TMEM108: variants seen among roughly 807,000 people sequenced by gnomAD.
TMEM108 encodes the protein transmembrane protein 108.
A neutral mutation model predicts 35.1 loss-of-function variants in TMEM108; 12 were observed. The ratio of observed to expected loss-of-function variants is 0.34; its 90% confidence interval spans 0.22 to 0.55. The LOEUF is 0.55. Among genes scored for constraint, TMEM108 ranks in the 20% least tolerant of loss-of-function variants. TMEM108 has a pLI of 0.89. For synonymous variants in TMEM108, 287 were observed against 308.6 expected (o/e 0.93, Z 0.73); for missense variants, 680 against 753.3 (o/e 0.90, Z 1.14).
intron 2 of TMEM108, among the ~76,000 whole-genome samples, chr3:133,220,379 T>C (rs1358668477): frequency 6.6e-6 from 1 of 152,064 alleles, no homozygotes; most frequent in Non-Finnish European, 1.5e-5. Context: ...TGGGCTCAAG[T>C]GATCCTCCTG....
At chr3:133,314,684 G>C (rs1159093219) in intron 3 of TMEM108, among the ~76,000 whole-genome samples, 1 of 152,302 alleles carries the variant, frequency 6.6e-6, no homozygotes, top group East Asian at 1.9e-4. Context: ...GGGATCTGCT[G>C]GTGCTTTGTA....
chr3:133,099,254 T>C (rs1405691784), intron 2 of TMEM108, among the ~76,000 whole-genome samples: 2 of 152,196 alleles, frequency 1.3e-5, no homozygotes, highest in African/African-American at 2.4e-5. Context: ...CTTTCAGCCA[T>C]GGCTGGAGCA....
At chr3:133,265,875 T>A (rs1946690052) in intron 3 of TMEM108, among the ~76,000 whole-genome samples, 1 of 152,208 alleles carries the variant, frequency 6.6e-6, no homozygotes, top group Non-Finnish European at 1.5e-5. Context: ...TGTGAAACAT[T>A]CCTATACTTT....
chr3:133,068,808 C>T (rs534978386), intron 2 of TMEM108, among the ~76,000 whole-genome samples: 4 of 152,078 alleles, frequency 2.6e-5, no homozygotes, highest in Non-Finnish European at 4.4e-5. Context: ...ATAAGAAAAC[C>T]GTTAGTACTA....
At chr3:133,340,863 A>T (rs1439041401) in intron 3 of TMEM108, among the ~76,000 whole-genome samples, 2 of 151,758 alleles carry the variant, frequency 1.3e-5, no homozygotes, top group African/African-American at 4.8e-5. Context: ...ACAAAATTTA[A>T]CATTCATGAT....
intron 3 of TMEM108, among the ~76,000 whole-genome samples, chr3:133,288,497 A>G (rs992925810): frequency 2.0e-5 from 3 of 152,214 alleles, no homozygotes. Flanking sequence ...CCTTGTGGAG[A>G]GAATGTTTGC....
At chr3:133,252,721 T>C (rs1321804902) in intron 3 of TMEM108, among the ~76,000 whole-genome samples, 1 of 152,144 alleles carries the variant, frequency 6.6e-6, no homozygotes, top group African/African-American at 2.4e-5. Context: ...TGAGTAGATT[T>C]GGAGACTTCT....
chr3:133,126,974 A>G (rs1295155126), intron 2 of TMEM108, among the ~76,000 whole-genome samples: 7 of 152,162 alleles, frequency 4.6e-5, no homozygotes, highest in Non-Finnish European at 1.0e-4. Flanking sequence ...ATGGATATGG[A>G]GGGCTGACTG....
At chr3:133,107,441 G>C (rs181772311) in intron 2 of TMEM108, among the ~76,000 whole-genome samples, 2 of 148,838 alleles carry the variant, frequency 1.3e-5, no homozygotes, top group African/African-American at 4.9e-5. Context: ...TTACCACCAG[G>C]ATGAAGTGTA....
chr3:133,223,796 AAAT>A (rs1366721812), intron 2 of TMEM108, among the ~76,000 whole-genome samples: 10 of 152,244 alleles, frequency 6.6e-5, no homozygotes, highest in African/African-American at 2.4e-4. Context: ...CACTGTGAAA[AAAT>A]AAATATAAAA....
chr3:133,077,913 G>A (rs773504613), intron 2 of TMEM108, among the ~76,000 whole-genome samples: 14 of 152,182 alleles, frequency 9.2e-5, no homozygotes, highest in Non-Finnish European at 1.8e-4. Flanking sequence ...CAGGCAGAGT[G>A]TGTCTTCCCA....
At chr3:133,164,181 G>A (rs896830984) in intron 2 of TMEM108, among the ~76,000 whole-genome samples, 35 of 152,118 alleles carry the variant, frequency 2.3e-4, no homozygotes, top group African/African-American at 3.6e-4. Flanking sequence ...TTTTAGTGCC[G>A]TTTTCTACTA....
chr3:133,390,103 C>T (rs2073212102), intron 4 of TMEM108, 77 bp from the exon 5 acceptor site: 2 of 1,571,010 alleles, frequency 1.3e-6, no homozygotes, highest in Admixed American at 1.7e-5. Flanking sequence ...GGGAACTCTC[C>T]TCATCAGTTC....
chr3:133,257,147 C>T (rs1292686914), intron 3 of TMEM108: 1 of 152,142 alleles, frequency 6.6e-6, no homozygotes, highest in African/African-American at 2.4e-5. Context: ...TATTCATAAC[C>T]TAAGGCTGCT....
At chr3:133,325,372 C>T (rs1358712037) in intron 3 of TMEM108, among the ~76,000 whole-genome samples, 4 of 152,304 alleles carry the variant, frequency 2.6e-5, no homozygotes, top group Middle Eastern at 3.4e-3. Flanking sequence ...GCATTGGCTA[C>T]ACTGCTTAGG....
At chr3:133,112,689 A>G (rs781765547) in intron 2 of TMEM108, among the ~76,000 whole-genome samples, 182 of 152,290 alleles carry the variant, frequency 1.2e-3, no homozygotes, top group Non-Finnish European at 1.9e-3. Context: ...AGATATTCCA[A>G]TGGGAAGCAG....
chr3:133,067,493 C>T, intron 2 of TMEM108, among the ~76,000 whole-genome samples: 1 of 152,190 alleles, frequency 6.6e-6, no homozygotes, highest in East Asian at 1.9e-4. Flanking sequence ...CTACATCTCA[C>T]CTGCTTTAGC....
chr3:133,380,813 G>A lies in TMEM108; in HGVS notation c.1102G>A (p.Val368Ile). 1 of 1,614,168 alleles carries A rather than the reference G, an allele frequency of 6.2e-7. No homozygotes were observed. Among genetic ancestry groups the A allele is most frequent in the Admixed American group, 1.7e-5 (1 of 60,032 alleles). Reference sequence around the variant, plus strand: ...CACCCCAGCTGCCTTCGATACCAGTGTCTCAGCCCCTTCCCAGGGGATTCC... The same window carrying A: ...CACCCCAGCTGCCTTCGATACCAGTATCTCAGCCCCTTCCCAGGGGATTCC... ...GPTPAAFDTS[V>I]SAPSQGIPQG... is the part of the protein sequence containing the mutation. The change falls in exon 4 of 6, where the codon GTC becomes ATC. Residue 368 changes from valine to isoleucine, a missense_variant. Val to Ile is a conservative substitution (Grantham distance 29). Coordinates refer to ENST00000321871, the MANE Select transcript of TMEM108 (RefSeq NM_023943.4). This position sits in a 1 kb window ranked among gnomAD's most constrained non-coding sequence, Gnocchi z 5.3.
chr3:133,186,869 C>T (rs1294190860), intron 2 of TMEM108, among the ~76,000 whole-genome samples: 1 of 152,144 alleles, frequency 6.6e-6, no homozygotes, highest in African/African-American at 2.4e-5. Flanking sequence ...TCCTTCCCTA[C>T]ACATATGTGA....
Sources: allele counts gnomAD v4.1 joint callset (sites outside exome capture counted in the v4.1 genomes callset), GRCh38; gene constraint gnomAD v4.1.1; non-coding constraint Gnocchi (gnomAD v3.1); transcripts MANE v1.5; gene names NCBI Gene and HGNC (gene_info 2026-07-23, HGNC 2026-07-21).